CFAP44: variants seen among roughly 807,000 people sequenced by gnomAD.
CFAP44 encodes the protein cilia- and flagella-associated protein 44.
In CFAP44, 134 loss-of-function variants were observed where a neutral mutation model predicts 216.2. The observed-to-expected ratio is 0.62, with a 90% CI of 0.54 to 0.72. CFAP44 has a LOEUF of 0.72. Among genes scored for constraint, CFAP44 ranks in the 30% least tolerant of loss-of-function variants. The pLI is 0.00. For synonymous variants in CFAP44, 700 were observed against 727.6 expected (o/e 0.96, Z 0.61); for missense variants, 2,035 against 2,182.1 (o/e 0.93, Z 1.34).
chr3:113,347,613 C>T (rs777366279), intron 22 of CFAP44, among the ~76,000 whole-genome samples: 6 of 152,138 alleles, frequency 3.9e-5, no homozygotes, highest in Non-Finnish European at 7.3e-5. Flanking sequence ...TGCCCAAAGC[C>T]CCATTGGGTG....
intron 15 of CFAP44, among the ~76,000 whole-genome samples, chr3:113,394,177 T>C (rs976070768): frequency 9.9e-5 from 15 of 152,228 alleles, no homozygotes; most frequent in African/African-American, 1.4e-4. Context: ...GACATTAGTA[T>C]AGAATGTGTG....
intron 15 of CFAP44, among the ~76,000 whole-genome samples, chr3:113,393,727 G>C (rs376924006): frequency 9.8e-5 from 15 of 152,294 alleles, no homozygotes; most frequent in African/African-American, 3.4e-4. Context: ...TGTTGCCCAA[G>C]CTTGTCTCAA....
chr3:113,368,529 C>G (rs1020756206), intron 18 of CFAP44, among the ~76,000 whole-genome samples: 6 of 152,158 alleles, frequency 3.9e-5, no homozygotes, highest in Non-Finnish European at 8.8e-5. Flanking sequence ...ACTTTACAGA[C>G]AAGCAAATGC....
Position 113,373,412 on chromosome 3 carries a change from T to C in CFAP44, c.2443A>G (p.Asn815Asp). The change falls in exon 18 of 35, where the codon AAC becomes GAC. Residue 815 changes from asparagine (N) to aspartate (D), a missense_variant and splice_region_variant. By Grantham distance (23) the Asn-to-Asp change is conservative. Coordinates refer to ENST00000393845, the MANE Select transcript of CFAP44 (RefSeq NM_001164496.2). ...AAAGCTTTTTGAAATACTGCTCACT[T>C]GAAAGTGATAGTTTGGATGGGATTG... ...EDNPIQTITF[N>D]INKVMMFCGM... The C allele has an allele frequency of 1.3e-6, 2 of 1,558,652 alleles. No homozygotes were observed. Among genetic ancestry groups the C allele is most frequent in the South Asian group, 1.2e-5 (1 of 80,898 alleles).
intron 15 of CFAP44, among the ~76,000 whole-genome samples, chr3:113,384,515 A>C (rs931321574): frequency 7.2e-5 from 11 of 152,206 alleles, no homozygotes; most frequent in African/African-American, 2.7e-4. Flanking sequence ...GATAAGTTAA[A>C]ACAGGGTTGT....
At chr3:113,296,632 AC>A in intron 33 of CFAP44, 92 bp downstream of exon 33, 1 of 1,421,654 alleles carries the variant, frequency 7.0e-7, no homozygotes, top group Non-Finnish European at 9.4e-7. Flanking sequence ...AGCTCCAGCT[AC>A]ACAGATGCTT....
intron 30 of CFAP44, among the ~76,000 whole-genome samples, chr3:113,305,961 T>G (rs1949981641): frequency 2.0e-5 from 3 of 152,238 alleles, no homozygotes; most frequent in Admixed American, 2.0e-4. Context: ...CATTTTCATT[T>G]TTTTTACTTA....
intron 4 of CFAP44, among the ~76,000 whole-genome samples, chr3:113,421,279 A>G (rs1934808528): frequency 6.6e-6 from 1 of 152,204 alleles, no homozygotes; most frequent in Non-Finnish European, 1.5e-5. Flanking sequence ...GCAAATCAAA[A>G]CCACAATGAG....
chr3:113,366,655 T>C (rs1559925211), intron 18 of CFAP44, among the ~76,000 whole-genome samples: 3 of 152,120 alleles, frequency 2.0e-5, no homozygotes, highest in South Asian at 4.1e-4. Context: ...ACTCAGAAGA[T>C]GGGTGATTTC....
At chr3:113,334,690 G>A (rs1227529565) in intron 24 of CFAP44, among the ~76,000 whole-genome samples, 1 of 152,016 alleles carries the variant, frequency 6.6e-6, no homozygotes, top group Non-Finnish European at 1.5e-5. Context: ...AAACCAGTTG[G>A]GCCCTCCCAA....
At chr3:113,330,715 A>G in intron 25 of CFAP44, 47 bp from the exon 26 acceptor site, 1 of 1,481,698 alleles carries the variant, frequency 6.7e-7, no homozygotes, top group Non-Finnish European at 8.9e-7. Flanking sequence ...CCTCTGACAA[A>G]TAACTGTATG....
At chr3:113,404,091 G>C in intron 8 of CFAP44, 75 bp from the exon 9 acceptor site, 2 of 1,378,078 alleles carry the variant, frequency 1.5e-6, no homozygotes, top group Non-Finnish European at 1.9e-6. Context: ...AATAGTAGGT[G>C]AAAATTATTT....
Position 113,409,228 on chromosome 3 carries a change from G to C in CFAP44, c.768C>G (p.Ile256Met). The C allele has an allele frequency of 1.9e-6, 3 of 1,614,130 alleles. No homozygotes were observed. Among genetic ancestry groups the C allele is most frequent in the Non-Finnish European group, 2.5e-6 (3 of 1,180,026 alleles). ...TGGGTTGTTCTTCTTTCCAGTTCCAGATAGTCAGTGTGTAGTCAGGGTTAC... is the reference window on the plus strand; with the variant it reads ...TGGGTTGTTCTTCTTTCCAGTTCCACATAGTCAGTGTGTAGTCAGGGTTAC... Reference protein sequence around the residue: ...VGSNPDYTLTIWNWKEEQPIL... With the variant: ...VGSNPDYTLTMWNWKEEQPIL... The change falls in exon 7 of 35, where the codon ATC becomes ATG. Residue 256 changes from isoleucine (I) to methionine (M), a missense_variant. Coordinates refer to ENST00000393845, the MANE Select transcript of CFAP44 (RefSeq NM_001164496.2).
intron 23 of CFAP44, among the ~76,000 whole-genome samples, chr3:113,343,396 T>A (rs1198360906): frequency 1.3e-5 from 2 of 152,168 alleles, no homozygotes; most frequent in African/African-American, 4.8e-5. Context: ...ATTACTCTAT[T>A]CGTGTTCAAG....
chr3:113,339,432 T>C (rs1950310513), intron 24 of CFAP44, among the ~76,000 whole-genome samples: 1 of 152,172 alleles, frequency 6.6e-6, no homozygotes, highest in African/African-American at 2.4e-5. Flanking sequence ...GAGCTGGCCA[T>C]AGGTACCACT....
chr3:113,376,810 A>G (rs765669930), intron 17 of CFAP44, among the ~76,000 whole-genome samples: 139 of 152,354 alleles, frequency 9.1e-4, no homozygotes, highest in Non-Finnish European at 1.7e-3. Flanking sequence ...GGTTCAGGAA[A>G]TAAAATTAAG....
intron 22 of CFAP44, among the ~76,000 whole-genome samples, chr3:113,346,313 T>C (rs919172351): frequency 6.6e-6 from 1 of 151,144 alleles, no homozygotes; most frequent in Non-Finnish European, 1.5e-5. Flanking sequence ...ATCAGCGCTC[T>C]GTGTCTAGCT....
intron 17 of CFAP44, among the ~76,000 whole-genome samples, chr3:113,376,629 A>G (rs1244645477): frequency 1.3e-5 from 2 of 152,190 alleles, no homozygotes; most frequent in Non-Finnish European, 2.9e-5. Flanking sequence ...CGAAAAGTCA[A>G]ATGGACAGAG....
intron 15 of CFAP44, among the ~76,000 whole-genome samples, chr3:113,393,871 C>T (rs1195263237): frequency 6.6e-6 from 1 of 152,150 alleles, no homozygotes; most frequent in Non-Finnish European, 1.5e-5. Context: ...CAGGCTAACT[C>T]CTTTTCACCT....
Sources: gnomAD v4.1 joint callset for allele counts (sites outside exome capture counted in the v4.1 genomes callset) on GRCh38, gnomAD v4.1.1 for gene constraint, MANE v1.5 for transcripts, NCBI Gene and HGNC (gene_info 2026-07-23, HGNC 2026-07-21) for gene names.